Variants in ITGB3 observed in about 807,000 individuals in gnomAD.
The protein encoded by ITGB3 is integrin beta-3.
ITGB3 carries 48 observed loss-of-function variants against 85.8 expected under a neutral mutation model. The observed-to-expected ratio is 0.56, with a 90% CI of 0.44 to 0.71. The LOEUF (loss-of-function observed/expected upper bound fraction) is 0.71, where lower values mean the gene tolerates loss of function less well. Among genes scored for constraint, ITGB3 ranks in the 30% least tolerant of loss-of-function variants. The pLI is 0.00. For missense variants in ITGB3, 861 were observed against 1,019.1 expected (o/e 0.84, Z 2.11); for synonymous variants, 363 against 395.6 (o/e 0.92, Z 0.98).
At chr17:47,284,879 T>A (rs1253595922) in intron 4 of ITGB3, among the ~76,000 whole-genome samples, 184 bp downstream of exon 4, 1 of 152,208 alleles carries the variant, frequency 6.6e-6, no homozygotes, top group African/African-American at 2.4e-5. Flanking sequence ...GTTGTGTCAA[T>A]GGAGCCTAAG....
chr17:47,305,315 C>T (rs958898394), intron 13 of ITGB3, among the ~76,000 whole-genome samples: 20 of 152,028 alleles, frequency 1.3e-4, no homozygotes, highest in Admixed American at 9.2e-4. Context: ...TGTAATTTGG[C>T]GGGTTGGGAG....
intron 9 of ITGB3, chr17:47,291,478 A>C (rs1257342571): frequency 7.3e-6 from 3 of 410,416 alleles, no homozygotes; most frequent in Non-Finnish European, 1.3e-5. Context: ...AAAATCTAAA[A>C]TGTAAAACAC....
chr17:47,302,834 G>C lies in ITGB3; in HGVS notation c.2128G>C (p.Glu710Gln), dbSNP rs1471737872. The C allele has an allele frequency of 2.5e-6, 4 of 1,614,092 alleles. No individual in the cohort carries two copies. The highest frequency in any genetic ancestry group is 3.4e-6 in the Non-Finnish European group (4 of 1,180,032). ...SGKSILYVVE[E>Q]PECPKGPDIL... ...AAAGTCCATCCTGTATGTGGTAGAA[G>C]AGCCAGGTGAGTGAACCCTGACGGC... The change falls in exon 13 of 15, where the codon GAG becomes CAG. Residue 710 changes from glutamate to glutamine, a missense_variant. Coordinates refer to ENST00000559488, the MANE Select transcript of ITGB3 (RefSeq NM_000212.3).
chr17:47,291,112 T>G, intron 9 of ITGB3, 24 bp downstream of exon 9: 1 of 1,613,872 alleles, frequency 6.2e-7, no homozygotes, highest in East Asian at 2.2e-5. Context: ...GGCAGGGCCT[T>G]TGTCCTGGAG....
At chr17:47,304,154 A>C (rs949219870) in intron 13 of ITGB3, among the ~76,000 whole-genome samples, 4 of 151,932 alleles carry the variant, frequency 2.6e-5, no homozygotes, top group African/African-American at 7.3e-5. Flanking sequence ...AGCCCCCCGC[A>C]AAGTGTTGGG....
chr17:47,265,397 A>G (rs1742173848), intron 1 of ITGB3, among the ~76,000 whole-genome samples: 1 of 152,210 alleles, frequency 6.6e-6, no homozygotes. Flanking sequence ...CAGCAGGCCC[A>G]TGGTCCCTCT....
intron 10 of ITGB3, among the ~76,000 whole-genome samples, chr17:47,295,761 G>C (rs541357979): frequency 2.4e-5 from 3 of 127,390 alleles, no homozygotes; most frequent in South Asian, 2.9e-4. Flanking sequence ...AGGGTGTAGT[G>C]AAAGGCCGGG....
At position 47,292,305 on chromosome 17, in the gene ITGB3, A is replaced by T. The variant is rs145103142; in HGVS notation, c.1427A>T (p.Asn476Ile). 6 of 1,614,212 alleles carry T rather than the reference A, an allele frequency of 3.7e-6. No homozygotes were observed. The African/African-American group carries it at 5.3e-5, about 14-fold the overall frequency. ...GAACCTAATAGCCATCGCTGCAACAATGGCAATGGGACCTTTGAGTGTGGG... is the reference window on the plus strand; with the variant it reads ...GAACCTAATAGCCATCGCTGCAACATTGGCAATGGGACCTTTGAGTGTGGG... ...QAEPNSHRCN[N>I]GNGTFECGVC... Residue 476 changes from asparagine to isoleucine, a missense_variant, in exon 10 of 15, where the codon AAT becomes ATT. Coordinates refer to ENST00000559488, the MANE Select transcript of ITGB3 (RefSeq NM_000212.3).
chr17:47,272,080 T>G (rs1202680179), intron 1 of ITGB3, among the ~76,000 whole-genome samples: 1 of 124,114 alleles, frequency 8.1e-6, no homozygotes, highest in African/African-American at 3.1e-5. Flanking sequence ...TTTTTTGAGA[T>G]GGAGTCTTGC....
intron 1 of ITGB3, among the ~76,000 whole-genome samples, chr17:47,261,519 CT>C (rs71365061): frequency 0.046 from 5,863 of 127,928 alleles, 70 homozygotes; most frequent in Middle Eastern, 0.14. Flanking sequence ...GGATCATTGT[CT>C]TTTTTTTTTT....
chr17:47,265,255 A>G (rs530423604), intron 1 of ITGB3, among the ~76,000 whole-genome samples: 1 of 152,350 alleles, frequency 6.6e-6, no homozygotes, highest in South Asian at 2.1e-4. Context: ...ATCATGCCAT[A>G]TACATGATGG....
rs530242471 is a variant in ITGB3 at position 47,294,553 on chromosome 17, C to T, written c.1690+1985C>T. ...CCTCCTCAGTGCATTCCAGTCTAAT[C>T]CATGAGGGAACCAGGGCAGCCATTG... On this transcript the variant is annotated intron_variant, in intron 10 of 14. Coordinates refer to ENST00000559488, the MANE Select transcript of ITGB3 (RefSeq NM_000212.3). 2.0e-5 allele frequency among the ~76,000 whole-genome samples: 3 copies of T among 152,356 alleles called. No individual in the cohort carries two copies. The East Asian group carries it at 5.8e-4, about 29-fold the overall frequency.
intron 2 of ITGB3, 108 bp from the exon 3 acceptor site, chr17:47,283,246 A>C: frequency 9.7e-7 from 1 of 1,026,992 alleles, no homozygotes; most frequent in South Asian, 1.3e-5. Context: ...TTTATGCTCC[A>C]ATGTACGGGG....
intron 1 of ITGB3, among the ~76,000 whole-genome samples, chr17:47,254,165 C>T (rs895100207): frequency 7.2e-5 from 11 of 152,212 alleles, no homozygotes; most frequent in Non-Finnish European, 1.5e-4. Context: ...TCCTCCGAGA[C>T]GCCGAAGCCA....
rs2065125979 is a variant in ITGB3, at chr17:47,291,589, A to T, written c.1260+501A>T. ...GGGAGGAAGGAGGGGAAGAAAATAG[A>T]TCTTTGGATACGCTGATCCTTTCTA... On this transcript the variant is annotated intron_variant, in intron 9 of 14. Coordinates refer to ENST00000559488, the MANE Select transcript of ITGB3 (RefSeq NM_000212.3). 4.5e-5 allele frequency: 12 copies of T among 265,418 alleles called. No homozygotes were observed. The South Asian group carries it at 6.3e-4, about 14-fold the overall frequency. The allele number at this position is 265,418 out of a possible 1,614,324, so 16.4% of individuals were successfully genotyped here. A position where few individuals can be genotyped will look rare whatever the true frequency, so the allele number is the denominator to read the frequency against.
At chr17:47,300,444 C>A (rs2065162954) in intron 11 of ITGB3, 34 bp from the exon 12 acceptor site, 1 of 1,530,864 alleles carries the variant, frequency 6.5e-7, no homozygotes, top group Non-Finnish European at 9.1e-7. Context: ...CTTGCTCCTT[C>A]TTTGCCTTAA....
chr17:47,300,437 G>A (rs183770533), intron 11 of ITGB3, 41 bp from the exon 12 acceptor site: 2 of 1,459,854 alleles, frequency 1.4e-6, no homozygotes, highest in East Asian at 2.3e-5. Context: ...GCTTAGGCTT[G>A]CTCCTTCTTT....
In ITGB3 at chr17:47,299,545, TG is replaced by T. The variant is rs1187235605; in HGVS notation, c.1913+17del. On this transcript the variant is annotated intron_variant, in intron 11 of 14. Transcript: ENST00000559488. This position sits in a 1 kb window ranked among gnomAD's most constrained non-coding sequence, Gnocchi z 5.1. The stretch of plus-strand genomic sequence containing the variant: ...ACCTTTAAGAAGTGAGTGTGGAGTC[TG>T]GAGAGAGCCGGGAGGCTGGGAGGTA... 1 of 1,611,458 alleles carries T rather than the reference TG, an allele frequency of 6.2e-7. No homozygotes were observed. The highest frequency in any genetic ancestry group is 2.2e-5 in the East Asian group (1 of 44,872).
At chr17:47,269,968 G>A (rs1567760740) in intron 1 of ITGB3, among the ~76,000 whole-genome samples, 1 of 152,224 alleles carries the variant, frequency 6.6e-6, no homozygotes, top group South Asian at 2.1e-4. Context: ...CATGGTGGAA[G>A]GGGAAGCAAA....
Sources: allele counts gnomAD v4.1 joint callset (sites outside exome capture counted in the v4.1 genomes callset), GRCh38; gene constraint gnomAD v4.1.1; non-coding constraint Gnocchi (gnomAD v3.1); transcripts MANE v1.5; gene names NCBI Gene and HGNC (gene_info 2026-07-23, HGNC 2026-07-21).